Variants in EPHB2 observed in about 807,000 individuals in gnomAD.
EPHB2 encodes the protein EPH receptor B2, also known as ephrin type-B receptor 2.
Under a neutral mutation model 96.4 loss-of-function variants are expected in EPHB2, and 18 were observed. That is an observed-to-expected ratio of 0.19 (90% CI 0.13 to 0.28). The LOEUF (loss-of-function observed/expected upper bound fraction) is 0.28. EPHB2 is among the 10% of genes least tolerant of loss of function. The pLI is 1.00. For synonymous variants in EPHB2, 506 were observed against 534.1 expected (o/e 0.95, Z 0.72); for missense variants, 989 against 1,355.4 (o/e 0.73, Z 4.25).
chr1:22,739,809 C>A (rs998433742), intron 1 of EPHB2, among the ~76,000 whole-genome samples: 3 of 152,100 alleles, frequency 2.0e-5, no homozygotes, highest in Non-Finnish European at 4.4e-5. Context: ...CTGCCCTCCC[C>A]CACATGCCCG....
At chr1:22,830,756 C>T (rs1427157335) in intron 3 of EPHB2, among the ~76,000 whole-genome samples, 2 of 151,430 alleles carry the variant, frequency 1.3e-5, no homozygotes, top group East Asian at 3.9e-4. Flanking sequence ...GGGGTTTCAC[C>T]ATCTTGGCCA....
intron 3 of EPHB2, among the ~76,000 whole-genome samples, chr1:22,842,057 T>C (rs1307988503): frequency 6.6e-6 from 1 of 151,906 alleles, no homozygotes; most frequent in African/African-American, 2.4e-5. Context: ...TGGGGTTGGG[T>C]GAGGGGCAAC....
intron 1 of EPHB2, among the ~76,000 whole-genome samples, chr1:22,765,541 T>TG (rs1644295909): frequency 1.6e-5 from 1 of 62,620 alleles, no homozygotes; most frequent in Non-Finnish European, 3.1e-5. Flanking sequence ...AGAGAGACCC[T>TG]GTCGCAAAAA....
chr1:22,896,984 G>A (rs1203547593), intron 9 of EPHB2, among the ~76,000 whole-genome samples: 2 of 152,168 alleles, frequency 1.3e-5, no homozygotes, highest in Non-Finnish European at 2.9e-5. Flanking sequence ...GAGGACTCTG[G>A]GCTCTGGCCC....
intron 3 of EPHB2, among the ~76,000 whole-genome samples, chr1:22,819,181 C>T (rs1362513559): frequency 6.7e-6 from 1 of 149,794 alleles, no homozygotes; most frequent in Non-Finnish European, 1.5e-5. Context: ...CTCTGCAGTT[C>T]CACAGCCTGG....
intron 1 of EPHB2, among the ~76,000 whole-genome samples, chr1:22,747,158 C>G (rs552085400): frequency 9.8e-5 from 15 of 152,292 alleles, no homozygotes; most frequent in Admixed American, 7.8e-4. Flanking sequence ...GGAGAACTGC[C>G]TTCTGCTCAG....
chr1:22,821,392 A>T (rs1645150291), intron 3 of EPHB2, among the ~76,000 whole-genome samples: 1 of 152,208 alleles, frequency 6.6e-6, no homozygotes, highest in South Asian at 2.1e-4. Context: ...GACTTCCATC[A>T]GCATTATTCT....
intron 3 of EPHB2, among the ~76,000 whole-genome samples, chr1:22,853,544 G>C (rs1367229520): frequency 6.6e-6 from 1 of 152,226 alleles, no homozygotes; most frequent in Non-Finnish European, 1.5e-5. Flanking sequence ...AGCCCTGGCA[G>C]GGGACATCCT....
intron 5 of EPHB2, among the ~76,000 whole-genome samples, chr1:22,874,680 G>A (rs758332222): frequency 1.1e-4 from 16 of 152,154 alleles, no homozygotes; most frequent in Non-Finnish European, 2.2e-4. Flanking sequence ...AAGGGGCCTG[G>A]CACTGGGCAG....
At position 22,784,511 on chromosome 1, in the gene EPHB2, C is replaced by T. The variant is rs146514629; in HGVS notation, c.246C>T (p.Gly82=). ...WLRTKFIRRR[G]AHRIHVEMKF... is the part of the protein sequence containing the mutation. ...GGACCAAGTTTATCCGGCGCCGTGG[C>T]GCCCACCGCATCCACGTGGAGATGA... Residue 82 remains glycine, a synonymous_variant, in exon 3 of 16, where the codon GGC becomes GGT. Transcript: ENST00000374630. The surrounding 1 kb of genome is among the most constrained non-coding windows in gnomAD (Gnocchi z 5.1). 59 of 1,613,698 alleles carry T rather than the reference C, an allele frequency of 3.7e-5. No homozygotes were observed. The African/African-American group carries it at 6.1e-4, about 17-fold the overall frequency.
chr1:22,885,618 C>T (rs1008037951), intron 6 of EPHB2, among the ~76,000 whole-genome samples: 10 of 152,238 alleles, frequency 6.6e-5, no homozygotes, highest in Non-Finnish European at 1.5e-4. Flanking sequence ...CCATAACTTG[C>T]CCAAGAGGAT....
intron 1 of EPHB2, among the ~76,000 whole-genome samples, chr1:22,752,021 T>A (rs1337123368): frequency 2.0e-5 from 3 of 152,216 alleles, no homozygotes; most frequent in African/African-American, 7.2e-5. Context: ...GTTCACTAGT[T>A]CCGTGTGGCC....
At position 22,893,033 on chromosome 1, in the gene EPHB2, G is replaced by T; in HGVS notation, c.1578G>T (p.Gln526His). 6.2e-7 allele frequency: 1 copy of T among 1,614,208 alleles called. No homozygotes were observed. Among genetic ancestry groups the T allele is most frequent in the South Asian group, 1.1e-5 (1 of 91,070 alleles). ...YGRYSGKMYFQTMTEAEYQTS... is the reference protein window; with the variant it reads ...YGRYSGKMYFHTMTEAEYQTS... The stretch of plus-strand genomic sequence containing the variant: ...GCTACAGCGGCAAGATGTACTTCCA[G>T]ACCATGACAGAAGGTGAGCAGAGTC... Residue 526 changes from glutamine to histidine, a missense_variant, in exon 7 of 16, where the codon CAG (glutamine) becomes CAT (histidine). Coordinates refer to ENST00000374630, the MANE Select transcript of EPHB2 (RefSeq NM_017449.5).
At chr1:22,817,844 C>T (rs1197891965) in intron 3 of EPHB2, among the ~76,000 whole-genome samples, 2 of 152,186 alleles carry the variant, frequency 1.3e-5, no homozygotes, top group African/African-American at 4.8e-5. Context: ...CCTGCATAGC[C>T]ATAGCCAAAG....
chr1:22,762,354 C>G (rs1570234314), intron 1 of EPHB2, among the ~76,000 whole-genome samples: 1 of 152,208 alleles, frequency 6.6e-6, no homozygotes, highest in Non-Finnish European at 1.5e-5. Flanking sequence ...GCTGGAACCT[C>G]TACCCACTAA....
intron 13 of EPHB2, among the ~76,000 whole-genome samples, chr1:22,910,017 G>A (rs570359346): frequency 4.1e-4 from 62 of 152,274 alleles, no homozygotes; most frequent in African/African-American, 1.4e-3. Flanking sequence ...CAAGCAAGGA[G>A]GCAGACTGGG....
Position 22,784,746 on chromosome 1 carries a change from A to G in EPHB2, c.481A>G (p.Thr161Ala). Residue 161 changes from threonine (T) to alanine (A), a missense_variant, in exon 3 of 16, where the codon ACC becomes GCC. Coordinates refer to ENST00000374630, the MANE Select transcript of EPHB2 (RefSeq NM_017449.5). This position sits in a 1 kb window ranked among gnomAD's most constrained non-coding sequence, Gnocchi z 5.1. Reference sequence around the variant, plus strand: ...GGGTGGCCGCGTCATGAAAATCAACACCGAGGTGCGGAGCTTCGGACCTGT... The same window carrying G: ...GGGTGGCCGCGTCATGAAAATCAACGCCGAGGTGCGGAGCTTCGGACCTGT... ...DLGGRVMKIN[T>A]EVRSFGPVSR... is the part of the protein sequence containing the mutation. 1 of 1,612,188 alleles carries G rather than the reference A, an allele frequency of 6.2e-7. No individual in the cohort carries two copies. The highest frequency in any genetic ancestry group is 8.5e-7 in the Non-Finnish European group (1 of 1,178,588).
At chr1:22,827,497 G>A (rs949480491) in intron 3 of EPHB2, among the ~76,000 whole-genome samples, 19 of 152,184 alleles carry the variant, frequency 1.2e-4, no homozygotes, top group African/African-American at 4.3e-4. Flanking sequence ...TTTGCTGTCC[G>A]TCAAGCCTGC....
chr1:22,849,315 T>C (rs370357799), intron 3 of EPHB2, among the ~76,000 whole-genome samples: 51 of 152,322 alleles, frequency 3.3e-4, no homozygotes, highest in East Asian at 2.9e-3. Flanking sequence ...TCTCAGCCCT[T>C]GTCCGTCTCC....
Sources: gnomAD v4.1 joint callset for allele counts (sites outside exome capture counted in the v4.1 genomes callset) on GRCh38, gnomAD v4.1.1 for gene constraint, Gnocchi (gnomAD v3.1) non-coding constraint, MANE v1.5 for transcripts, NCBI Gene and HGNC (gene_info 2026-07-23, HGNC 2026-07-21) for gene names.